Variants in FGF14 observed in about 807,000 individuals in gnomAD.
FGF14 encodes the protein fibroblast growth factor homologous factor 4.
Under a neutral mutation model 25.5 loss-of-function variants are expected in FGF14, and 5 were observed. The observed-to-expected ratio is 0.20, with a 90% CI of 0.10 to 0.41. The LOEUF (loss-of-function observed/expected upper bound fraction) is 0.41, where lower values mean the gene tolerates loss of function less well. Among genes scored for constraint, FGF14 ranks in the 10% least tolerant of loss-of-function variants. FGF14 has a pLI of 1.00. For missense variants in FGF14, 222 were observed against 320.1 expected (o/e 0.69, Z 2.34); for synonymous variants, 138 against 118.3 (o/e 1.17, Z -1.08).
At chr13:102,258,080 G>C (rs866423732) in intron 1 of FGF14, among the ~76,000 whole-genome samples, 1 of 152,146 alleles carries the variant, frequency 6.6e-6, no homozygotes, top group African/African-American at 2.4e-5. Flanking sequence ...GCAGACAAGA[G>C]AGAATGAGAG....
intron 1 of FGF14, among the ~76,000 whole-genome samples, chr13:102,206,451 C>T (rs1004457647): frequency 3.9e-5 from 6 of 152,088 alleles, no homozygotes; most frequent in East Asian, 3.9e-4. Context: ...GAGGCTGAGG[C>T]GGGCAGATCA....
intron 1 of FGF14, among the ~76,000 whole-genome samples, chr13:102,157,153 A>G (rs2047381417): frequency 6.6e-6 from 1 of 152,194 alleles, no homozygotes; most frequent in South Asian, 2.1e-4. Flanking sequence ...ATTGGAAAAA[A>G]CTACTTTAAA....
intron 1 of FGF14, among the ~76,000 whole-genome samples, chr13:101,945,955 C>T (rs935888721): frequency 5.9e-5 from 9 of 152,218 alleles, no homozygotes; most frequent in Non-Finnish European, 1.3e-4. Context: ...TTTATTCTGT[C>T]TCCCATCCCT....
chr13:102,074,649 GC>G (rs2043288934), intron 1 of FGF14, among the ~76,000 whole-genome samples: 1 of 152,070 alleles, frequency 6.6e-6, no homozygotes, highest in Non-Finnish European at 1.5e-5. Context: ...AAAGTTACAG[GC>G]CAATATCCCT....
At position 102,323,954 on chromosome 13, in the gene FGF14, A is replaced by AGTAT. The variant is rs201747874; in HGVS notation, c.208+77513_208+77516dup. Among the ~76,000 whole-genome samples, 447 of 103,844 alleles carry AGTAT rather than the reference A, an allele frequency of 4.3e-3. 3 individuals are homozygous for AGTAT. The highest frequency in any genetic ancestry group is 0.025 in the South Asian group (74 of 2,962). 68.1% of individuals were successfully genotyped at this position (103,844 alleles called of 152,430 possible). ...GACTCTTTAAAGGATCCCAACGTGCAGTATGTGTGTGTGTGTGTGTGTGTG... is the reference window on the plus strand; with the variant it reads ...GACTCTTTAAAGGATCCCAACGTGCAGTATGTATGTGTGTGTGTGTGTGTGTGTG... On this transcript the variant is annotated intron_variant, in intron 1 of 4. Coordinates refer to the FGF14 transcript ENST00000376131.
chr13:102,194,104 A>C (rs1016171959), intron 1 of FGF14, among the ~76,000 whole-genome samples: 17 of 152,206 alleles, frequency 1.1e-4, no homozygotes, highest in African/African-American at 4.1e-4. Flanking sequence ...TAAATTATTT[A>C]AAAAATCGAA....
At chr13:101,958,173 C>T (rs34869472) in intron 1 of FGF14, among the ~76,000 whole-genome samples, 15,413 of 152,206 alleles carry the variant, frequency 0.1, 910 homozygotes, top group Admixed American at 0.2. Context: ...ACTCAGAGAG[C>T]TTCTCTAAAG....
chr13:102,148,226 A>C (rs2046935379), intron 1 of FGF14, among the ~76,000 whole-genome samples: 1 of 152,198 alleles, frequency 6.6e-6, no homozygotes. Flanking sequence ...AAAAAAAGTC[A>C]TTTTGAAACT....
At chr13:102,221,619 CACAA>C (rs1257176257) in intron 1 of FGF14, among the ~76,000 whole-genome samples, 413 of 70,680 alleles carry the variant, frequency 5.8e-3, no homozygotes, top group African/African-American at 0.03. Flanking sequence ...CACACAAACA[CACAA>C]ACACACACAC....
At chr13:101,961,736 C>A (rs2036871154) in intron 1 of FGF14, among the ~76,000 whole-genome samples, 1 of 152,194 alleles carries the variant, frequency 6.6e-6, no homozygotes, top group Non-Finnish European at 1.5e-5. Flanking sequence ...TTTTGCTCAG[C>A]ACTTCTCCTT....
chr13:101,973,595 G>C (rs1168542910), intron 1 of FGF14, among the ~76,000 whole-genome samples: 1 of 152,206 alleles, frequency 6.6e-6, no homozygotes. Context: ...GAAGAAATTA[G>C]AGTCCAATGT....
chr13:102,372,636 A>T (rs1294817404), intron 1 of FGF14, among the ~76,000 whole-genome samples: 1 of 152,152 alleles, frequency 6.6e-6, no homozygotes. Flanking sequence ...TTGGTAAAGG[A>T]ACAATCTAAG....
intron 1 of FGF14, among the ~76,000 whole-genome samples, chr13:101,929,479 T>C (rs577250425): frequency 1.3e-5 from 2 of 152,354 alleles, no homozygotes; most frequent in South Asian, 4.1e-4. Flanking sequence ...GAATTTTGTA[T>C]GTCACTGGGG....
intron 1 of FGF14, among the ~76,000 whole-genome samples, chr13:102,042,930 C>T (rs2041811637): frequency 6.6e-6 from 1 of 152,150 alleles, no homozygotes; most frequent in Non-Finnish European, 1.5e-5. Flanking sequence ...AGTAGCAAAC[C>T]TCCAGCAGTG....
chr13:101,751,364 T>G (rs2037261988), intron 3 of FGF14, among the ~76,000 whole-genome samples: 1 of 152,100 alleles, frequency 6.6e-6, no homozygotes, highest in Non-Finnish European at 1.5e-5. Flanking sequence ...TAAAACTGCT[T>G]TTAAAAGTTT....
rs555230395 is a variant in FGF14 at position 102,401,589 on chromosome 13, C to T, written c.90G>A (p.Lys30=). ...ATTTGGGCGAAAAGCAATCCAGCAG[C>T]TTAGACACCCTGAGAAAGAAGAGAT... Residue 30 remains lysine (K), a synonymous_variant, in exon 1 of 5, where the codon AAG becomes AAA. Transcript: ENST00000376131. 5 of 1,614,158 alleles carry T rather than the reference C, an allele frequency of 3.1e-6. No homozygotes were observed. In the African/African-American group the frequency reaches 6.7e-5, roughly 22 times the overall value.
intron 1 of FGF14, among the ~76,000 whole-genome samples, chr13:102,042,896 G>A (rs1300351421): frequency 3.3e-5 from 5 of 152,180 alleles, no homozygotes; most frequent in African/African-American, 7.2e-5. Flanking sequence ...GCGTATTGTA[G>A]AATATGCAGT....
At chr13:101,788,965 G>GAGAGAGAGAT (rs2040073837) in intron 3 of FGF14, among the ~76,000 whole-genome samples, 7 of 80,606 alleles carry the variant, frequency 8.7e-5, no homozygotes, top group South Asian at 5.2e-4. Context: ...GAGAGAGAGA[G>GAGAGAGAGAT]AGAGACAGAG....
chr13:101,736,566 G>C (rs1269699142), intron 3 of FGF14, among the ~76,000 whole-genome samples: 1 of 152,048 alleles, frequency 6.6e-6, no homozygotes, highest in Non-Finnish European at 1.5e-5. Flanking sequence ...ATTAATAAAA[G>C]TACTGTCCTT....
Sources: allele counts gnomAD v4.1 joint callset (sites outside exome capture counted in the v4.1 genomes callset), GRCh38; gene constraint gnomAD v4.1.1; transcripts MANE v1.5; gene names NCBI Gene and HGNC (gene_info 2026-07-23, HGNC 2026-07-21).